The following FAM81A variants were observed in gnomAD, a reference collection of about 807,000 sequenced individuals.
The protein encoded by FAM81A is family with sequence similarity 81 member A, also known as protein FAM81A.
In FAM81A, 19 loss-of-function variants were observed where a neutral mutation model predicts 46.7. The observed-to-expected ratio is 0.41, with a 90% confidence interval of 0.28 to 0.60. The LOEUF (loss-of-function observed/expected upper bound fraction) is 0.60, where lower values mean the gene tolerates loss of function less well. Among genes scored for constraint, FAM81A ranks in the 20% least tolerant of loss-of-function variants. The pLI, the probability that FAM81A is intolerant of heterozygous loss-of-function variation, is 0.34. For missense variants in FAM81A, 377 were observed against 453.5 expected (o/e 0.83, Z 1.53); for synonymous variants, 183 against 152.9 (o/e 1.20, Z -1.45).
chr15:59,506,416 C>T (rs1431754537), intron 4 of FAM81A, among the ~76,000 whole-genome samples: 3 of 152,040 alleles, frequency 2.0e-5, no homozygotes, highest in African/African-American at 4.8e-5. Flanking sequence ...TTGAACCCTT[C>T]CCCTTGAAGA....
At chr15:59,488,723 T>A (rs1200151298) in intron 3 of FAM81A, among the ~76,000 whole-genome samples, 3 of 152,190 alleles carry the variant, frequency 2.0e-5, no homozygotes, top group Admixed American at 6.5e-5. Context: ...ACGCCTATAA[T>A]CCCAGCACTT....
Position 59,521,255 on chromosome 15 carries a change from G to T in FAM81A, c.984G>T (p.Gly328=), listed in dbSNP as rs372609906. ...TGTGAAATTTACCTCTCCTTCAAGG[G>T]TTTACAGCCGTCTATGAAAGCATAG... The part of the protein sequence containing the change: ...IKEMKAEVNA[G]FTAVYESIGS... Residue 328 remains glycine (G), a splice_region_variant and synonymous_variant, in exon 9 of 9, where the codon GGG becomes GGT. Transcript: ENST00000288228. 4 of 1,612,718 alleles carry T rather than the reference G, an allele frequency of 2.5e-6. No individual in the cohort carries two copies. The highest frequency in any genetic ancestry group is 1.3e-5 in the African/African-American group (1 of 74,802).
intron 4 of FAM81A, among the ~76,000 whole-genome samples, chr15:59,496,471 G>A (rs533153749): frequency 1.3e-5 from 2 of 152,226 alleles, no homozygotes; most frequent in African/African-American, 2.4e-5. Flanking sequence ...CAGGTGTGGC[G>A]GCCTGCGCCT....
intron 4 of FAM81A, among the ~76,000 whole-genome samples, chr15:59,498,848 AT>A (rs2082061325): frequency 6.6e-6 from 1 of 152,048 alleles, no homozygotes; most frequent in Non-Finnish European, 1.5e-5. Context: ...AGAGATGGGG[AT>A]TCGCCATATT....
chr15:59,431,668 T>C (rs2081221022), intron 2 of FAM81A, among the ~76,000 whole-genome samples: 2 of 152,218 alleles, frequency 1.3e-5, no homozygotes, highest in African/African-American at 4.8e-5. Flanking sequence ...CCTTTGATAT[T>C]ACCTTGGGGT....
intron 2 of FAM81A, among the ~76,000 whole-genome samples, chr15:59,425,300 C>G (rs969269336): frequency 3.3e-5 from 5 of 152,152 alleles, no homozygotes; most frequent in Admixed American, 2.0e-4. Context: ...AAATGACTTA[C>G]CCCAAATCAT....
At chr15:59,502,813 G>A (rs949298018) in intron 4 of FAM81A, among the ~76,000 whole-genome samples, 18 of 151,998 alleles carry the variant, frequency 1.2e-4, no homozygotes, top group Admixed American at 2.0e-4. Flanking sequence ...GAGCCACCGC[G>A]CCAGCCGTGT....
chr15:59,437,701 G>A (rs2081252848), upstream of FAM81A, among the ~76,000 whole-genome samples: 1 of 152,102 alleles, frequency 6.6e-6, no homozygotes, highest in Non-Finnish European at 1.5e-5. Context: ...CCAATTTGAG[G>A]TGGGGCGGGG....
At chr15:59,473,605 G>A (rs1265796580) in intron 3 of FAM81A, among the ~76,000 whole-genome samples, 1 of 152,152 alleles carries the variant, frequency 6.6e-6, no homozygotes, top group Non-Finnish European at 1.5e-5. Context: ...TGGGAACTCA[G>A]CTCTGTTCCC....
intron 1 of FAM81A, among the ~76,000 whole-genome samples, chr15:59,457,168 T>C (rs1208088716): frequency 6.6e-6 from 1 of 152,200 alleles, no homozygotes; most frequent in Non-Finnish European, 1.5e-5. Flanking sequence ...GTCAAAAATA[T>C]TAAATAAAAA....
chr15:59,459,820 T>C, intron 2 of FAM81A, 113 bp from the exon 3 acceptor site: 2 of 1,389,932 alleles, frequency 1.4e-6, no homozygotes, highest in East Asian at 2.5e-5. Flanking sequence ...TCAAACCCTA[T>C]TTAGCTTGTA....
At chr15:59,440,599 C>T (rs1345248793) in intron 1 of FAM81A, among the ~76,000 whole-genome samples, 3 of 152,196 alleles carry the variant, frequency 2.0e-5, no homozygotes, top group Admixed American at 2.0e-4. Context: ...CTTCAACTAA[C>T]ATCTTGGACT....
chr15:59,447,712 T>C (rs1411782946), intron 1 of FAM81A, among the ~76,000 whole-genome samples: 1 of 152,156 alleles, frequency 6.6e-6, no homozygotes, highest in Admixed American at 6.5e-5. Flanking sequence ...GCACATGATT[T>C]AGCCAGATAA....
At chr15:59,520,256 A>G (rs1234760392) in intron 8 of FAM81A, among the ~76,000 whole-genome samples, 1 of 152,090 alleles carries the variant, frequency 6.6e-6, no homozygotes, top group Non-Finnish European at 1.5e-5. Flanking sequence ...ATTCCCACCA[A>G]CAGTGTACAA....
intron 4 of FAM81A, among the ~76,000 whole-genome samples, chr15:59,504,518 A>G (rs1379276079): frequency 6.6e-6 from 1 of 152,210 alleles, no homozygotes. Flanking sequence ...GGAATAATTG[A>G]GCTGGTAGCT....
intron 3 of FAM81A, among the ~76,000 whole-genome samples, chr15:59,489,410 C>G (rs1180545613): frequency 1.3e-5 from 2 of 151,804 alleles, no homozygotes; most frequent in African/African-American, 4.8e-5. Context: ...TTGGAGAAGA[C>G]TCATAAAAAT....
At chr15:59,413,490 A>G (rs1273247046) in intron 2 of FAM81A, among the ~76,000 whole-genome samples, 1 of 151,824 alleles carries the variant, frequency 6.6e-6, no homozygotes, top group East Asian at 1.9e-4. Flanking sequence ...ACACCCTGTG[A>G]ACTGAGGAAT....
intron 4 of FAM81A, among the ~76,000 whole-genome samples, chr15:59,496,875 C>T (rs912839321): frequency 6.6e-6 from 1 of 152,118 alleles, no homozygotes; most frequent in African/African-American, 2.4e-5. Context: ...CTTGTAGTCC[C>T]AGCACTTTGG....
intron 1 of FAM81A, among the ~76,000 whole-genome samples, chr15:59,447,886 A>G (rs2081369533): frequency 6.6e-6 from 1 of 152,212 alleles, no homozygotes; most frequent in Admixed American, 6.5e-5. Flanking sequence ...GAGCGAAGGA[A>G]GGCAGATAAT....
Sources: allele counts gnomAD v4.1 joint callset (sites outside exome capture counted in the v4.1 genomes callset), GRCh38; gene constraint gnomAD v4.1.1; transcripts MANE v1.5; gene names NCBI Gene and HGNC (gene_info 2026-07-23, HGNC 2026-07-21).